The following PTPRM variants were observed in gnomAD, a reference collection of about 807,000 sequenced individuals.
PTPRM encodes protein tyrosine phosphatase receptor type M.
In PTPRM, 47 loss-of-function variants were observed where a neutral mutation model predicts 186.7. The ratio of observed to expected loss-of-function variants is 0.25; its 90% CI spans 0.20 to 0.32. The LOEUF (loss-of-function observed/expected upper bound fraction) is 0.32. PTPRM is among the 10% of genes least tolerant of loss of function. The pLI, the probability that PTPRM is intolerant of heterozygous loss-of-function variation, is 1.00. For missense variants in PTPRM, 1,494 were observed against 1,865.0 expected (o/e 0.80, Z 3.66); for synonymous variants, 668 against 674.9 (o/e 0.99, Z 0.16).
intron 1 of PTPRM, among the ~76,000 whole-genome samples, chr18:7,769,424 T>TA (rs2042170221): frequency 6.6e-6 from 1 of 152,216 alleles, no homozygotes; most frequent in African/African-American, 2.4e-5. Context: ...GGGTAAATGT[T>TA]AGTCTCTATT....
At chr18:8,151,237 CT>C (rs2092999155) in intron 14 of PTPRM, among the ~76,000 whole-genome samples, 1 of 152,078 alleles carries the variant, frequency 6.6e-6, no homozygotes, top group African/African-American at 2.4e-5. Flanking sequence ...CACAGCTGCC[CT>C]TTCCCCCAGG....
In PTPRM at chr18:8,076,509, T is replaced by C. The variant is rs1226919492; in HGVS notation, c.1496T>C (p.Ile499Thr). The C allele has an allele frequency of 6.2e-7, 1 of 1,610,492 alleles. No homozygotes were observed. The highest frequency in any genetic ancestry group is 1.3e-5 in the African/African-American group (1 of 74,818). ...SIQGSTFEEK[I>T]FLQWREPTQT... is the part of the protein sequence containing the mutation. ...CAAGGAAGTACCTTTGAAGAGAAGA[T>C]ATTTCTTCAGTGGAGAGAACCAACT... Residue 499 changes from isoleucine to threonine, a missense_variant, in exon 9 of 33, where the codon ATA becomes ACA. Ile to Thr is a moderately conservative substitution (Grantham distance 89). Around this residue, in one of 3 missense-constraint regions of PTPRM, gnomAD observed 1,107 missense variants for 1,350.2 expected, o/e 0.82. Transcript: ENST00000580170.
At chr18:8,010,637 G>A (rs1035007407) in intron 7 of PTPRM, among the ~76,000 whole-genome samples, 1 of 152,188 alleles carries the variant, frequency 6.6e-6, no homozygotes, top group African/African-American at 2.4e-5. Context: ...GGTTAAGGAG[G>A]ATGGAAGAGC....
chr18:8,393,294 G>T (rs955068566), intron 31 of PTPRM, among the ~76,000 whole-genome samples: 1 of 152,206 alleles, frequency 6.6e-6, no homozygotes, highest in Non-Finnish European at 1.5e-5. Flanking sequence ...GTCATGAGAA[G>T]ACATCAGACA....
intron 23 of PTPRM, among the ~76,000 whole-genome samples, chr18:8,369,409 T>C (rs1363643798): frequency 6.6e-6 from 1 of 152,194 alleles, no homozygotes; most frequent in African/African-American, 2.4e-5. Flanking sequence ...CAGTAGAGCC[T>C]GAATTTAGGA....
At chr18:8,022,276 T>C (rs549996507) in intron 7 of PTPRM, among the ~76,000 whole-genome samples, 178 of 152,304 alleles carry the variant, frequency 1.2e-3, no homozygotes, top group African/African-American at 4.0e-3. Context: ...TGTGAATTTA[T>C]GAAAAACACC....
chr18:7,954,009 T>C (rs1324992959), intron 6 of PTPRM, among the ~76,000 whole-genome samples: 5 of 152,226 alleles, frequency 3.3e-5, no homozygotes, highest in African/African-American at 9.6e-5. Context: ...ATTTATGTTT[T>C]TCTGAGAGGG....
intron 2 of PTPRM, among the ~76,000 whole-genome samples, chr18:7,872,755 C>T (rs1016773196): frequency 3.9e-5 from 6 of 152,176 alleles, no homozygotes; most frequent in African/African-American, 1.4e-4. Context: ...TGAGTCATCA[C>T]AGATATGCTT....
intron 1 of PTPRM, among the ~76,000 whole-genome samples, chr18:7,655,613 C>A (rs540503499): frequency 1.8e-4 from 28 of 152,302 alleles, no homozygotes; most frequent in Non-Finnish European, 3.8e-4. Flanking sequence ...CAGCTTTATT[C>A]ATTTTTGCCA....
chr18:7,584,873 G>A (rs529018436), intron 1 of PTPRM, among the ~76,000 whole-genome samples: 1 of 152,368 alleles, frequency 6.6e-6, no homozygotes, highest in African/African-American at 2.4e-5. Flanking sequence ...GGCCCTGGGA[G>A]CCAGGCCTGT....
chr18:7,826,512 A>AT (rs2045491588), intron 2 of PTPRM, among the ~76,000 whole-genome samples: 1 of 152,224 alleles, frequency 6.6e-6, no homozygotes, highest in Non-Finnish European at 1.5e-5. Flanking sequence ...AAAGTGGTTT[A>AT]TTTCATTTAT....
intron 14 of PTPRM, among the ~76,000 whole-genome samples, chr18:8,193,617 G>A (rs1471787669): frequency 6.6e-6 from 1 of 152,210 alleles, no homozygotes; most frequent in Non-Finnish European, 1.5e-5. Flanking sequence ...TTGGTCACCT[G>A]GGCCCAACAA....
intron 7 of PTPRM, among the ~76,000 whole-genome samples, chr18:8,054,721 T>C (rs550156397): frequency 1.3e-5 from 2 of 152,044 alleles, no homozygotes; most frequent in South Asian, 2.1e-4. Flanking sequence ...CAAACATAAG[T>C]TTTTATGTTT....
chr18:7,650,003 A>G (rs1464927934), intron 1 of PTPRM, among the ~76,000 whole-genome samples: 2 of 152,212 alleles, frequency 1.3e-5, no homozygotes, highest in Non-Finnish European at 2.9e-5. Flanking sequence ...CATAACTTTT[A>G]TATGCACTGG....
intron 7 of PTPRM, among the ~76,000 whole-genome samples, chr18:8,026,549 C>G (rs2085580145): frequency 1.3e-5 from 2 of 152,202 alleles, no homozygotes; most frequent in Non-Finnish European, 2.9e-5. Flanking sequence ...CAGTTATTAT[C>G]ATATTTTCAA....
rs183786795 is a variant in PTPRM, at chr18:7,932,315, T to C, written c.663+5632T>C. On this transcript the variant is annotated intron_variant, in intron 5 of 32. Coordinates refer to ENST00000580170, the MANE Select transcript of PTPRM (RefSeq NM_001105244.2). Reference sequence around the variant, plus strand: ...TAGAGGTCCATACCATTTTTAAATATCTTACTTTTTAAAATTACACAATTA... The same window carrying C: ...TAGAGGTCCATACCATTTTTAAATACCTTACTTTTTAAAATTACACAATTA... 3.5e-4 allele frequency among the ~76,000 whole-genome samples: 54 copies of C among 152,290 alleles called. No individual in the cohort carries two copies. In the East Asian group the frequency reaches 0.01, roughly 29 times the overall value.
In PTPRM at chr18:8,033,724, G is replaced by A. The variant is rs554007187; in HGVS notation, c.1133-35962G>A. Among the ~76,000 whole-genome samples the A allele has an allele frequency of 3.9e-5, 6 of 152,254 alleles. No individual in the cohort carries two copies. The East Asian group carries it at 5.8e-4, about 15-fold the overall frequency. On this transcript the variant is annotated intron_variant, in intron 7 of 32. Transcript: ENST00000580170. ...TAGATTTGTTAACGTCTATCAAACC[G>A]AAAAGTTTGTTTTTAAATGATAGTA...
At chr18:7,846,348 T>A (rs980341636) in intron 2 of PTPRM, among the ~76,000 whole-genome samples, 3 of 152,244 alleles carry the variant, frequency 2.0e-5, no homozygotes, top group Non-Finnish European at 4.4e-5. Context: ...TATATTACTG[T>A]ACAGTGAATA....
At chr18:8,322,411 T>C (rs578239085) in intron 22 of PTPRM, among the ~76,000 whole-genome samples, 4 of 152,316 alleles carry the variant, frequency 2.6e-5, no homozygotes, top group Admixed American at 2.0e-4. Flanking sequence ...GTTCTTCCTA[T>C]CTCCCCTTGG....
Sources: allele counts gnomAD v4.1 joint callset (sites outside exome capture counted in the v4.1 genomes callset), GRCh38; gene constraint gnomAD v4.1.1; regional missense constraint gnomAD v4.1.1; transcripts MANE v1.5; gene names NCBI Gene and HGNC (gene_info 2026-07-23, HGNC 2026-07-21).